Variants in ASIC2 observed in about 807,000 individuals in gnomAD.
ASIC2 encodes acid sensing ion channel subunit 2, also known as acid-sensing ion channel 2.
A neutral mutation model predicts 57.3 loss-of-function variants in ASIC2; 25 were observed. That is an observed-to-expected ratio of 0.44 (90% CI 0.32 to 0.61). ASIC2 has a LOEUF of 0.61. ASIC2 is among the 20% of genes least tolerant of loss of function. The pLI is 0.06. For missense variants in ASIC2, 641 were observed against 738.1 expected (o/e 0.87, Z 1.52); for synonymous variants, 319 against 307.5 (o/e 1.04, Z -0.39).
At chr17:33,295,989 T>A (rs538734075), upstream of ASIC2, among the ~76,000 whole-genome samples, 2 of 152,164 alleles carry the variant, frequency 1.3e-5, no homozygotes, top group Admixed American at 1.3e-4. Flanking sequence ...TGGCTATTTT[T>A]ACCATTGTTG....
intron 1 of ASIC2, among the ~76,000 whole-genome samples, chr17:33,266,130 A>C (rs1225354104): frequency 6.6e-6 from 1 of 152,192 alleles, no homozygotes; most frequent in Non-Finnish European, 1.5e-5. Flanking sequence ...CCACAATGCT[A>C]TTCTCCAGAG....
At chr17:33,497,029 A>C (rs965572631) in intron 1 of ASIC2, among the ~76,000 whole-genome samples, 2 of 152,154 alleles carry the variant, frequency 1.3e-5, no homozygotes, top group African/African-American at 4.8e-5. Flanking sequence ...TGCCTAGCCC[A>C]CAGTGGATGC....
At chr17:33,644,780 T>G (rs1019555888) in intron 1 of ASIC2, among the ~76,000 whole-genome samples, 6 of 152,246 alleles carry the variant, frequency 3.9e-5, no homozygotes, top group African/African-American at 1.4e-4. Context: ...TCTCCTGTCA[T>G]TGTCAACATT....
chr17:34,026,570 T>G (rs1182959274), intron 1 of ASIC2, among the ~76,000 whole-genome samples: 1 of 152,220 alleles, frequency 6.6e-6, no homozygotes, highest in East Asian at 1.9e-4. Flanking sequence ...GCTAACTCAA[T>G]AAAAGTGGTT....
chr17:33,402,179 C>T (rs778359539), intron 1 of ASIC2, among the ~76,000 whole-genome samples: 9 of 152,176 alleles, frequency 5.9e-5, no homozygotes, highest in Non-Finnish European at 1.2e-4. Flanking sequence ...GGCCACACTG[C>T]ATGGAGGGCT....
At chr17:34,067,582 A>G (rs912893600) in intron 1 of ASIC2, among the ~76,000 whole-genome samples, 1 of 152,216 alleles carries the variant, frequency 6.6e-6, no homozygotes, top group African/African-American at 2.4e-5. Flanking sequence ...TTCTAAAAAA[A>G]CTATCCCAAG....
intron 3 of ASIC2, among the ~76,000 whole-genome samples, chr17:33,069,888 C>G (rs916541468): frequency 6.6e-6 from 1 of 152,042 alleles, no homozygotes; most frequent in Non-Finnish European, 1.5e-5. Context: ...TATATGTGTT[C>G]TACTAGTCCC....
At chr17:34,122,356 T>C (rs1911649305) in intron 1 of ASIC2, among the ~76,000 whole-genome samples, 1 of 152,188 alleles carries the variant, frequency 6.6e-6, no homozygotes, top group South Asian at 2.1e-4. Context: ...TCCACCACAC[T>C]ACCAGAATGA....
intron 1 of ASIC2, among the ~76,000 whole-genome samples, chr17:33,426,162 T>C (rs1911214005): frequency 6.6e-6 from 1 of 152,194 alleles, no homozygotes; most frequent in African/African-American, 2.4e-5. Context: ...TTTGCTGTGC[T>C]GGACATGCTC....
chr17:33,358,404 G>A (rs1289757578), intron 1 of ASIC2, among the ~76,000 whole-genome samples: 3 of 152,158 alleles, frequency 2.0e-5, no homozygotes, highest in Admixed American at 1.3e-4. Context: ...GTAATGTGTA[G>A]CAATGACATC....
At chr17:33,614,144 G>T (rs1905518506) in intron 1 of ASIC2, among the ~76,000 whole-genome samples, 1 of 152,184 alleles carries the variant, frequency 6.6e-6, no homozygotes, top group Non-Finnish European at 1.5e-5. Flanking sequence ...TTGAAAAATG[G>T]CATATTATTC....
intron 1 of ASIC2, among the ~76,000 whole-genome samples, chr17:33,268,740 C>T (rs1234608946): frequency 1.3e-5 from 2 of 152,142 alleles, no homozygotes; most frequent in African/African-American, 2.4e-5. Flanking sequence ...TGCCTCATTT[C>T]CCCACCATCC....
intron 1 of ASIC2, chr17:34,037,381 G>A (rs1482993958): frequency 4.4e-6 from 2 of 451,894 alleles, no homozygotes; most frequent in Non-Finnish European, 7.8e-6. Context: ...CACAGTGGCC[G>A]TTGACGCTGG....
rs114628744 is a variant in ASIC2 at position 33,631,572 on chromosome 17, G to A, written c.556-519505C>T. On this transcript the variant is annotated intron_variant, in intron 1 of 9. Coordinates refer to the ASIC2 transcript ENST00000359872. The stretch of plus-strand genomic sequence containing the variant: ...TAGTATCCACTGCAAAATGTTGCCG[G>A]GAAGATGGAATGCGATTGTGCCCAC... 9.2e-3 allele frequency among the ~76,000 whole-genome samples: 1,397 copies of A among 152,228 alleles called. 10 individuals carry two copies. Among genetic ancestry groups the A allele is most frequent in the Middle Eastern group, 0.058 (17 of 294 alleles).
intron 1 of ASIC2, among the ~76,000 whole-genome samples, chr17:34,061,459 G>C (rs1251133002): frequency 1.3e-5 from 2 of 151,954 alleles, no homozygotes; most frequent in East Asian, 1.9e-4. Context: ...AAAAACAAAA[G>C]ACAAAATACA....
chr17:33,015,241 C>T (rs965838341), intron 9 of ASIC2, among the ~76,000 whole-genome samples: 9 of 152,150 alleles, frequency 5.9e-5, no homozygotes, highest in Non-Finnish European at 1.0e-4. Context: ...TGATTTGGGG[C>T]CCAAGGCTGG....
intron 1 of ASIC2, among the ~76,000 whole-genome samples, chr17:33,592,958 TAC>T (rs757877177): frequency 6.6e-6 from 1 of 152,206 alleles, no homozygotes; most frequent in Non-Finnish European, 1.5e-5. Context: ...ATTTGCAGCT[TAC>T]AGACCCCTAG....
chr17:33,036,533 C>T (rs953822545), intron 3 of ASIC2, among the ~76,000 whole-genome samples: 5 of 152,078 alleles, frequency 3.3e-5, no homozygotes, highest in Non-Finnish European at 4.4e-5. Flanking sequence ...TGGACTCAAG[C>T]GATCTTCCCG....
intron 1 of ASIC2, among the ~76,000 whole-genome samples, chr17:33,526,100 G>T (rs1385070619): frequency 6.6e-6 from 1 of 152,158 alleles, no homozygotes; most frequent in Non-Finnish European, 1.5e-5. Context: ...AGTAAACTGT[G>T]AGCCCTAAGA....
Sources: gnomAD v4.1 joint callset for allele counts (sites outside exome capture counted in the v4.1 genomes callset) on GRCh38, gnomAD v4.1.1 for gene constraint, MANE v1.5 for transcripts, NCBI Gene and HGNC (gene_info 2026-07-23, HGNC 2026-07-21) for gene names.